The following MIPOL1 variants were observed in gnomAD, a reference collection of about 807,000 sequenced individuals.
MIPOL1 encodes the protein mirror-image polydactyly gene 1 protein.
MIPOL1 carries 57 observed loss-of-function variants against 60.9 expected under a neutral mutation model. The ratio of observed to expected loss-of-function variants is 0.94; its 90% CI spans 0.76 to 1.17. The LOEUF is 1.17. MIPOL1 is among the 50% of genes most tolerant of loss of function. The pLI, the probability that MIPOL1 is intolerant of heterozygous loss-of-function variation, is 0.00. For synonymous variants in MIPOL1, 179 were observed against 168.8 expected, an observed-to-expected ratio of 1.06 and a Z score of -0.47; for missense variants, 551 against 511.6, an observed-to-expected ratio of 1.08 and a Z score of -0.74.
Position 37,383,709 on chromosome 14 carries a change from T to C in MIPOL1, c.936+14085T>C, listed in dbSNP as rs2092989603. Among the ~76,000 whole-genome samples, 3 of 152,010 alleles carry C rather than the reference T, an allele frequency of 2.0e-5. No homozygotes were observed. The South Asian group carries it at 6.2e-4, about 31-fold the overall frequency. ...AAGAAAACTTGAGTATTCTAAGATATATTAATATCATTTGTTTTAATAAAT... is the reference window on the plus strand; with the variant it reads ...AAGAAAACTTGAGTATTCTAAGATACATTAATATCATTTGTTTTAATAAAT... On this transcript the variant is annotated intron_variant, in intron 10 of 12. Coordinates refer to ENST00000684589, the MANE Select transcript of MIPOL1 (RefSeq NM_001388067.1).
intron 7 of MIPOL1, among the ~76,000 whole-genome samples, chr14:37,298,030 A>T (rs1276874839): frequency 6.6e-6 from 1 of 152,178 alleles, no homozygotes; most frequent in Admixed American, 6.5e-5. Context: ...TGGAGGCATC[A>T]TGCTACCTGA....
At position 37,331,553 on chromosome 14, in the gene MIPOL1, G is replaced by GTT. The variant is rs71127208; in HGVS notation, c.828+23043_828+23044dup. 9.0e-4 allele frequency among the ~76,000 whole-genome samples: 128 copies of GTT among 141,774 alleles called. No individual in the cohort carries two copies. The Middle Eastern group carries it at 0.018, about 20-fold the overall frequency. The allele number at this position is 141,774 out of a possible 152,430, so 93.0% of individuals were successfully genotyped here. ...CTATTGTAAATGGGATTACATTCTT[G>GTT]TTTTTTTTTTCAGGTTGTTCACTGT... On this transcript the variant is annotated intron_variant, in intron 9 of 12. Coordinates refer to ENST00000684589, the MANE Select transcript of MIPOL1 (RefSeq NM_001388067.1).
intron 9 of MIPOL1, among the ~76,000 whole-genome samples, chr14:37,315,297 CA>C (rs2153440120): frequency 6.6e-6 from 1 of 152,234 alleles, no homozygotes; most frequent in South Asian, 2.1e-4. Flanking sequence ...TCAAATGTGC[CA>C]ACCTTACATT....
intron 6 of MIPOL1, among the ~76,000 whole-genome samples, chr14:37,280,631 G>A (rs1457535410): frequency 6.6e-6 from 1 of 151,986 alleles, no homozygotes; most frequent in Non-Finnish European, 1.5e-5. Flanking sequence ...AGAAATATTT[G>A]TTAGGTTCTT....
intron 7 of MIPOL1, among the ~76,000 whole-genome samples, chr14:37,293,616 T>C (rs992563123): frequency 6.6e-6 from 1 of 152,072 alleles, no homozygotes; most frequent in African/African-American, 2.4e-5. Flanking sequence ...ACCCTAATAC[T>C]ACGCTTTTCC....
chr14:37,294,861 T>C (rs878895185), intron 7 of MIPOL1, among the ~76,000 whole-genome samples: 1 of 151,846 alleles, frequency 6.6e-6, no homozygotes, highest in Non-Finnish European at 1.5e-5. Context: ...GAGAATGGAA[T>C]CAAGTTGGAA....
At chr14:37,458,633 A>G (rs2094503460) in intron 11 of MIPOL1, among the ~76,000 whole-genome samples, 1 of 152,016 alleles carries the variant, frequency 6.6e-6, no homozygotes, top group Non-Finnish European at 1.5e-5. Context: ...AGCCTGGCAA[A>G]CATGGGGAAA....
chr14:37,324,378 G>A (rs1390576388), intron 9 of MIPOL1, among the ~76,000 whole-genome samples: 1 of 151,930 alleles, frequency 6.6e-6, no homozygotes. Context: ...TGAAACATCT[G>A]TTTATGTATT....
chr14:37,360,118 A>G (rs1298440187), intron 9 of MIPOL1, among the ~76,000 whole-genome samples: 2 of 151,970 alleles, frequency 1.3e-5, no homozygotes, highest in South Asian at 2.1e-4. Context: ...GTGATGTATT[A>G]TGTTTATTGA....
At chr14:37,355,398 T>C (rs2091736004) in intron 9 of MIPOL1, among the ~76,000 whole-genome samples, 1 of 143,720 alleles carries the variant, frequency 7.0e-6, no homozygotes, top group Non-Finnish European at 1.5e-5. Flanking sequence ...GAGTTGCTCT[T>C]CTCGAGGAGT....
At position 37,378,865 on chromosome 14, in the gene MIPOL1, G is replaced by A. The variant is rs192519549; in HGVS notation, c.936+9241G>A. ...AATTCACTGTATAAAAAGGCACTAA[G>A]ACTATATGATTTAAAAAACGGATCC... On this transcript the variant is annotated intron_variant, in intron 10 of 12. Transcript: ENST00000684589. Among the ~76,000 whole-genome samples, 309 of 152,106 alleles carry A rather than the reference G, an allele frequency of 2.0e-3. 1 individual carries two copies. The highest frequency in any genetic ancestry group is 6.6e-3 in the East Asian group (34 of 5,174).
intron 10 of MIPOL1, among the ~76,000 whole-genome samples, chr14:37,384,336 AT>A (rs2093008804): frequency 6.6e-6 from 1 of 150,742 alleles, no homozygotes; most frequent in Admixed American, 6.7e-5. Flanking sequence ...GTTCTTCACA[AT>A]TTTTAAAAAG....
At chr14:37,305,937 A>T (rs2086751760) in intron 7 of MIPOL1, among the ~76,000 whole-genome samples, 1 of 151,832 alleles carries the variant, frequency 6.6e-6, no homozygotes. Context: ...CTTGAAATTC[A>T]CTTATCGGCA....
intron 11 of MIPOL1, 30 bp from the exon 12 acceptor site, chr14:37,499,878 A>G: frequency 7.9e-7 from 1 of 1,260,744 alleles, no homozygotes; most frequent in Middle Eastern, 2.3e-4. Context: ...TACATTACTT[A>G]TCTTTAAATT....
At chr14:37,231,859 C>T (rs946478322) in intron 1 of MIPOL1, among the ~76,000 whole-genome samples, 3 of 152,026 alleles carry the variant, frequency 2.0e-5, no homozygotes, top group African/African-American at 4.8e-5. Context: ...GTGGGAGCCT[C>T]GTTTGAGGCC....
At chr14:37,270,985 AAT>A (rs1196911912) in intron 6 of MIPOL1, among the ~76,000 whole-genome samples, 1 of 152,084 alleles carries the variant, frequency 6.6e-6, no homozygotes. Context: ...TTGTGCAATT[AAT>A]AAGTTTTCAT....
At chr14:37,312,475 G>T (rs1449517712) in intron 9 of MIPOL1, among the ~76,000 whole-genome samples, 3 of 152,034 alleles carry the variant, frequency 2.0e-5, no homozygotes, top group African/African-American at 7.2e-5. Flanking sequence ...AGTGCTAGGA[G>T]AACTTTAGTC....
chr14:37,399,081 A>G (rs2093432095), intron 10 of MIPOL1, among the ~76,000 whole-genome samples: 1 of 152,204 alleles, frequency 6.6e-6, no homozygotes, highest in Admixed American at 6.5e-5. Context: ...CTACACTATA[A>G]GGGGCCAACG....
At chr14:37,389,223 AGG>A (rs944444025) in intron 10 of MIPOL1, among the ~76,000 whole-genome samples, 6 of 150,124 alleles carry the variant, frequency 4.0e-5, no homozygotes, top group African/African-American at 7.4e-5. Flanking sequence ...AAAAGAATGA[AGG>A]GTGGTAAAAA....
Sources: allele counts gnomAD v4.1 joint callset (sites outside exome capture counted in the v4.1 genomes callset), GRCh38; gene constraint gnomAD v4.1.1; transcripts MANE v1.5; gene names NCBI Gene and HGNC (gene_info 2026-07-23, HGNC 2026-07-21).